Variants in HSPG2 observed in about 807,000 individuals in gnomAD.
The protein encoded by HSPG2 is heparan sulfate proteoglycan 2.
Under a neutral mutation model 526.6 loss-of-function variants are expected in HSPG2, and 278 were observed. That is an observed-to-expected ratio of 0.53 (90% CI 0.48 to 0.58). The LOEUF (loss-of-function observed/expected upper bound fraction) is 0.58. Ranked by LOEUF, HSPG2 falls within the 20% of genes least tolerant of loss-of-function variation. The probability of loss-of-function intolerance (pLI) is 0.00; values close to 1 mark genes in which losing one functional copy is unlikely to be tolerated. For missense variants in HSPG2, 5,354 were observed against 6,099.5 expected (o/e 0.88, Z 4.07); for synonymous variants, 2,465 against 2,555.4 (o/e 0.96, Z 1.07).
intron 22 of HSPG2, 40 bp downstream of exon 22, chr1:21,876,472 C>G: frequency 6.2e-7 from 1 of 1,613,298 alleles, no homozygotes; most frequent in Non-Finnish European, 8.5e-7. Flanking sequence ...CCATCCGGCC[C>G]AGGGCTTGGC....
At position 21,828,210 on chromosome 1, in the gene HSPG2, C is replaced by A. The variant is rs762114633; in HGVS notation, c.12409+45G>T. 16 of 1,612,836 alleles carry A rather than the reference C, an allele frequency of 9.9e-6. No individual in the cohort carries two copies. In the East Asian group the frequency reaches 3.3e-4, roughly 34 times the overall value. ...GGGCATGGGCTGGAGGTGTCGCTGA[C>A]CACCTGTGCCCCTCCCCTCCGGTGC... On this transcript the variant is annotated intron_variant, in intron 89 of 96. Transcript: ENST00000374695. The surrounding 1 kb of genome is among the most constrained non-coding windows in gnomAD (Gnocchi z 6.0).
At position 21,850,172 on chromosome 1, in the gene HSPG2, C is replaced by T; in HGVS notation, c.7315G>A (p.Val2439Ile). Residue 2439 changes from valine to isoleucine, a missense_variant, in exon 57 of 97, where the codon GTC becomes ATC. Coordinates refer to ENST00000374695, the MANE Select transcript of HSPG2 (RefSeq NM_005529.7). ...SVPALGVTPTVRIESSSSQVA... is the reference protein window; with the variant it reads ...SVPALGVTPTIRIESSSSQVA... The stretch of plus-strand genomic sequence containing the variant: ...TGCGAAGACGATGACTCGATCCGGA[C>T]CGTGGGGGTGACCCCAAGTGCTGGG... The T allele has an allele frequency of 1.2e-6, 2 of 1,613,388 alleles. No homozygotes were observed. Among genetic ancestry groups the T allele is most frequent in the Non-Finnish European group, 1.7e-6 (2 of 1,180,040 alleles).
chr1:21,864,550 G>A lies in HSPG2; in HGVS notation c.4626+293C>T, dbSNP rs1640074173. Among the ~76,000 whole-genome samples the A allele has an allele frequency of 6.6e-6, 1 of 152,232 alleles. No individual in the cohort carries two copies. The highest frequency in any genetic ancestry group is 1.5e-5 in the Non-Finnish European group (1 of 68,048). On this transcript the variant is annotated intron_variant, in intron 36 of 96. Transcript: ENST00000374695. This position sits in a 1 kb window ranked among gnomAD's most constrained non-coding sequence, Gnocchi z 4.8. ...CCCAAACGTGAGGCTGCACTGCCCA[G>A]TGGTTAGGACATGCTAGGCTTTGGA... is the stretch of plus-strand genomic sequence containing the variant.
Position 21,847,359 on chromosome 1 carries a change from G to A in HSPG2, c.8159C>T (p.Pro2720Leu), listed in dbSNP as rs755296142. 6.2e-7 allele frequency: 1 copy of A among 1,614,016 alleles called. No homozygotes were observed. Among genetic ancestry groups the A allele is most frequent in the South Asian group, 1.1e-5 (1 of 91,084 alleles). ...CCTTTCCTAGGCAGACTCACCGGAG[G>A]GGCTGCCGGCGCTAGGGGAGACGGA... is the stretch of plus-strand genomic sequence containing the variant. ...VISVSPSAGS[P>L]SAPGSSMPIR... The change falls in exon 62 of 97, where the codon CCC (proline) becomes CTC (leucine). Residue 2720 changes from proline (P) to leucine (L), a missense_variant. Coordinates refer to ENST00000374695, the MANE Select transcript of HSPG2 (RefSeq NM_005529.7). The surrounding 1 kb of genome is among the most constrained non-coding windows in gnomAD (Gnocchi z 4.1).
At chr1:21,853,914 T>A (rs188716167) in intron 50 of HSPG2, 193 of 497,002 alleles carry the variant, frequency 3.9e-4, no homozygotes, top group African/African-American at 3.5e-3. Flanking sequence ...GATCTGGGAT[T>A]TGAACCAGGT....
intron 33 of HSPG2, among the ~76,000 whole-genome samples, chr1:21,867,629 A>G (rs1339237870): frequency 1.3e-5 from 2 of 152,206 alleles, no homozygotes; most frequent in Non-Finnish European, 2.9e-5. Flanking sequence ...ATAACCCTGC[A>G]GTACTCCAGC....
chr1:21,840,679 G>A (rs2098045048), intron 71 of HSPG2, among the ~76,000 whole-genome samples: 1 of 152,058 alleles, frequency 6.6e-6, no homozygotes, highest in Admixed American at 6.6e-5. Context: ...GACCTCAGGT[G>A]ATCCACCCAC....
At chr1:21,841,051 G>T in intron 71 of HSPG2, 50 bp downstream of exon 71, 1 of 1,538,966 alleles carries the variant, frequency 6.5e-7, no homozygotes, top group Non-Finnish European at 8.8e-7. Context: ...CCCGCTCAAG[G>T]CTGGGCCATG....
chr1:21,906,731 T>TTGG (rs1553177637), intron 1 of HSPG2, among the ~76,000 whole-genome samples: 55 of 50,778 alleles, frequency 1.1e-3, no homozygotes, highest in East Asian at 0.01. Flanking sequence ...GACTGGGGGG[T>TTGG]GGGGGGGGGT....
intron 1 of HSPG2, among the ~76,000 whole-genome samples, chr1:21,896,691 TG>T (rs567845503): frequency 5.3e-5 from 8 of 151,068 alleles, no homozygotes; most frequent in Admixed American, 5.3e-4. Flanking sequence ...GCAGCGCAGA[TG>T]GGGGGCACAG....
At position 21,836,917 on chromosome 1, in the gene HSPG2, C is replaced by A; in HGVS notation, c.10240G>T (p.Gly3414Trp). 1 of 1,559,744 alleles carries A rather than the reference C, an allele frequency of 6.4e-7. No homozygotes were observed. The highest frequency in any genetic ancestry group is 8.7e-7 in the Non-Finnish European group (1 of 1,151,618). The change falls in exon 75 of 97, where the codon GGG (glycine) becomes TGG (tryptophan). Residue 3414 changes from glycine (G) to tryptophan (W), a missense_variant. Coordinates refer to ENST00000374695, the MANE Select transcript of HSPG2 (RefSeq NM_005529.7). ...VTPQLETKSI[G>W]ASVEFHCAVP... ...GCACAGTGGAACTCAACGCTGGCCCCAATGCTCTTGGTCTCTAGCTGAGGC... is the reference window on the plus strand; with the variant it reads ...GCACAGTGGAACTCAACGCTGGCCCAAATGCTCTTGGTCTCTAGCTGAGGC...
At position 21,851,814 on chromosome 1, in the gene HSPG2, G is replaced by A. The variant is rs377626753; in HGVS notation, c.6983C>T (p.Thr2328Ile). ...EASITVTVTG[T>I]QGANLAYPAG... ...ACGGTAGGCTAAGTTGGCCCCCTGG[G>A]TCCCAGTTACTGTGACCGTGATGGA... Residue 2328 changes from threonine (T) to isoleucine (I), a missense_variant, in exon 54 of 97, where the codon ACC becomes ATC. Coordinates refer to ENST00000374695, the MANE Select transcript of HSPG2 (RefSeq NM_005529.7). 4 of 1,613,666 alleles carry A rather than the reference G, an allele frequency of 2.5e-6. No individual in the cohort carries two copies. The highest frequency in any genetic ancestry group is 1.1e-5 in the South Asian group (1 of 91,090).
At chr1:21,874,339 A>G (rs1053330346) in intron 28 of HSPG2, 67 bp downstream of exon 28, 5 of 1,596,824 alleles carry the variant, frequency 3.1e-6, no homozygotes, top group Admixed American at 1.7e-5. Context: ...GCCCTGGATG[A>G]AGCGGGTGTG....
At chr1:21,914,774 G>A (rs1027108758) in intron 1 of HSPG2, among the ~76,000 whole-genome samples, 2 of 152,192 alleles carry the variant, frequency 1.3e-5, no homozygotes, top group Non-Finnish European at 2.9e-5. Context: ...GGTGCTGGGA[G>A]GTGACCTTGA....
Position 21,847,870 on chromosome 1 carries a change from C to A in HSPG2, c.7874-30G>T. ...GGACAGACGGGTGTGGACCACGCAG[C>A]CAGAGTGAGATAACAGTGATGGCAC... is the stretch of plus-strand genomic sequence containing the variant. On this transcript the variant is annotated intron_variant, in intron 60 of 96. Coordinates refer to ENST00000374695, the MANE Select transcript of HSPG2 (RefSeq NM_005529.7). This position sits in a 1 kb window ranked among gnomAD's most constrained non-coding sequence, Gnocchi z 4.1. The A allele has an allele frequency of 1.2e-6, 2 of 1,613,834 alleles. No homozygotes were observed. The highest frequency in any genetic ancestry group is 1.7e-6 in the Non-Finnish European group (2 of 1,180,016).
Position 21,833,805 on chromosome 1 carries a change from C to T in HSPG2, c.10830+11G>A, listed in dbSNP as rs1357769261. On this transcript the variant is annotated intron_variant, in intron 78 of 96. Transcript: ENST00000374695. ...CAAGTCATGCCCGCTGGTTCCCTCT[C>T]CAGCACTTACCTTGCTCCAGCTGAT... is the stretch of plus-strand genomic sequence containing the variant. 9 of 1,575,858 alleles carry T rather than the reference C, an allele frequency of 5.7e-6. No individual in the cohort carries two copies. In the African/African-American group the frequency reaches 9.5e-5, roughly 17 times the overall value.
At chr1:21,836,356 T>C (rs964014876) in intron 75 of HSPG2, among the ~76,000 whole-genome samples, 23 of 152,206 alleles carry the variant, frequency 1.5e-4, no homozygotes, top group Non-Finnish European at 2.6e-4. Flanking sequence ...AGTTTTGCTC[T>C]TGTCACCCAG....
intron 75 of HSPG2, 141 bp from the exon 76 acceptor site, chr1:21,835,778 G>T: frequency 1.5e-6 from 1 of 649,868 alleles, no homozygotes; most frequent in East Asian, 3.0e-5. Context: ...GAGATCAGGA[G>T]CTTGAGACCA....
chr1:21,853,908 TG>T, intron 50 of HSPG2: 1 of 491,040 alleles, frequency 2.0e-6, no homozygotes, highest in Non-Finnish European at 3.7e-6. Flanking sequence ...GGGGCAGATC[TG>T]GGATTTGAAC....
Sources: allele counts gnomAD v4.1 joint callset (sites outside exome capture counted in the v4.1 genomes callset), GRCh38; gene constraint gnomAD v4.1.1; non-coding constraint Gnocchi (gnomAD v3.1); transcripts MANE v1.5; gene names NCBI Gene and HGNC (gene_info 2026-07-23, HGNC 2026-07-21).